The following NUCKS1 variants were observed in gnomAD, a reference collection of about 807,000 sequenced individuals.
NUCKS1 encodes the protein nuclear ubiquitous casein and cyclin-dependent kinase substrate 1.
NUCKS1 carries 2 observed loss-of-function variants against 33.0 expected under a neutral mutation model. The observed-to-expected ratio is 0.06, with a 90% CI of 0.02 to 0.19. The LOEUF (loss-of-function observed/expected upper bound fraction) is 0.19. Ranked by LOEUF, NUCKS1 falls within the 10% of genes least tolerant of loss-of-function variation. The probability of loss-of-function intolerance (pLI) is 1.00; values close to 1 mark genes in which losing one functional copy is unlikely to be tolerated. For missense variants in NUCKS1, 201 were observed against 293.6 expected (o/e 0.68, Z 2.31); for synonymous variants, 106 against 102.8 (o/e 1.03, Z -0.19).
At chr1:205,718,603 C>A in intron 6 of NUCKS1, 124 bp from the exon 7 acceptor site, 1 of 1,367,614 alleles carries the variant, frequency 7.3e-7, no homozygotes, top group South Asian at 1.4e-5. Flanking sequence ...TTACTAAAAA[C>A]CAAGGTGGGC....
rs375192079 is a variant in NUCKS1 at position 205,749,905 on chromosome 1, A to G, written c.17+52T>C. On this transcript the variant is annotated intron_variant, in intron 1 of 6. Coordinates refer to ENST00000367142, the MANE Select transcript of NUCKS1 (RefSeq NM_022731.5). ...CCTTCTGTCCCCCACTCTTTTCACCACTCGCCCCCATCCCCCTCCAACCCG... is the reference window on the plus strand; with the variant it reads ...CCTTCTGTCCCCCACTCTTTTCACCGCTCGCCCCCATCCCCCTCCAACCCG... 40 of 1,541,086 alleles carry G rather than the reference A, an allele frequency of 2.6e-5. No individual in the cohort carries two copies. In the African/African-American group the frequency reaches 5.3e-4, roughly 21 times the overall value.
intron 1 of NUCKS1, among the ~76,000 whole-genome samples, chr1:205,745,232 A>G (rs1347689518): frequency 6.6e-6 from 1 of 152,220 alleles, no homozygotes; most frequent in Non-Finnish European, 1.5e-5. Context: ...CATCACTGGT[A>G]AACTGAAGGA....
rs1464804835 is a variant in NUCKS1, at chr1:205,746,457, A to T, written c.17+3500T>A. On this transcript the variant is annotated intron_variant, in intron 1 of 6. Coordinates refer to ENST00000367142, the MANE Select transcript of NUCKS1 (RefSeq NM_022731.5). ...TCACTTCTCTCTCTCTCTCTCTCAC[A>T]CACACACACACACACACACACACAC... Among the ~76,000 whole-genome samples the T allele has an allele frequency of 8.6e-3, 782 of 90,612 alleles. 7 individuals are homozygous for T. Among genetic ancestry groups the T allele is most frequent in the African/African-American group, 0.026 (698 of 26,776 alleles). 59.4% of individuals were successfully genotyped at this position (90,612 alleles called of 152,430 possible). A position where few individuals can be genotyped will look rare whatever the true frequency, so the allele number is the denominator to read the frequency against.
rs191597017 is a variant in NUCKS1 at position 205,729,764 on chromosome 1, G to A, written c.18-143C>T. On this transcript the variant is annotated intron_variant, in intron 1 of 6. Transcript: ENST00000367142. The stretch of plus-strand genomic sequence containing the variant: ...TTGCTGGACGTGGTGGCTCACACCT[G>A]TAATCCCAGCACTTTGGGAGGCCAA... 484 of 692,898 alleles carry A rather than the reference G, an allele frequency of 7.0e-4. 1 individual carries two copies. The African/African-American group carries it at 8.3e-3, about 12-fold the overall frequency. 42.9% of individuals were successfully genotyped at this position (692,898 alleles called of 1,614,324 possible). A position where few individuals can be genotyped will look rare whatever the true frequency, so the allele number is the denominator to read the frequency against.
At chr1:205,733,941 C>T (rs1653976571) in intron 1 of NUCKS1, among the ~76,000 whole-genome samples, 1 of 152,140 alleles carries the variant, frequency 6.6e-6, no homozygotes, top group African/African-American at 2.4e-5. Flanking sequence ...CAGTGGCAGT[C>T]ATAGCTCACT....
chr1:205,748,562 G>GT (rs1299519872), intron 1 of NUCKS1, among the ~76,000 whole-genome samples: 21 of 152,328 alleles, frequency 1.4e-4, no homozygotes, highest in African/African-American at 4.6e-4. Context: ...AGTAGAGATC[G>GT]TGAGTTACCA....
intron 1 of NUCKS1, among the ~76,000 whole-genome samples, chr1:205,749,403 G>A (rs1654418730): frequency 6.6e-6 from 1 of 152,226 alleles, no homozygotes; most frequent in Admixed American, 6.5e-5. Flanking sequence ...GACCCCGAAG[G>A]ACAGAGGCGG....
At chr1:205,734,301 T>C (rs1653983211) in intron 1 of NUCKS1, among the ~76,000 whole-genome samples, 1 of 152,194 alleles carries the variant, frequency 6.6e-6, no homozygotes, top group Non-Finnish European at 1.5e-5. Flanking sequence ...ATTGGCATTA[T>C]ATAAACAATT....
At position 205,727,108 on chromosome 1, in the gene NUCKS1, C is replaced by A. The variant is rs191939554; in HGVS notation, c.173+592G>T. Among the ~76,000 whole-genome samples the A allele has an allele frequency of 3.9e-4, 60 of 152,184 alleles. 3 individuals carry two copies. In the East Asian group the frequency reaches 4.6e-3, roughly 12 times the overall value. ...ACTCCTGAGTAGCTGGGACTACAGG[C>A]AAGTGCCACCATTCCCGGCCAATTT... On this transcript the variant is annotated intron_variant, in intron 3 of 6. Coordinates refer to ENST00000367142, the MANE Select transcript of NUCKS1 (RefSeq NM_022731.5).
intron 3 of NUCKS1, 155 bp from the exon 4 acceptor site, chr1:205,724,136 T>C (rs1378018323): frequency 5.8e-6 from 4 of 693,748 alleles, no homozygotes; most frequent in Non-Finnish European, 8.0e-6. Context: ...TTTCCTTATT[T>C]ACAGGGATGC....
intron 5 of NUCKS1, 21 bp from the exon 6 acceptor site, chr1:205,719,697 C>G: frequency 1.2e-6 from 2 of 1,603,156 alleles, no homozygotes; most frequent in Non-Finnish European, 1.7e-6. Flanking sequence ...AGAAGAATTT[C>G]AACATCTAAC....
At chr1:205,734,250 C>G (rs982012726) in intron 1 of NUCKS1, among the ~76,000 whole-genome samples, 2 of 152,232 alleles carry the variant, frequency 1.3e-5, no homozygotes, top group South Asian at 4.1e-4. Context: ...TTCTATCCTA[C>G]TTTTCAACAA....
At chr1:205,727,076 G>A (rs1383432202) in intron 3 of NUCKS1, among the ~76,000 whole-genome samples, 4 of 151,994 alleles carry the variant, frequency 2.6e-5, no homozygotes, top group African/African-American at 7.3e-5. Context: ...GGATCCTCCT[G>A]CCTCGGACTC....
intron 4 of NUCKS1, among the ~76,000 whole-genome samples, chr1:205,722,033 AAAAAATTTACTT>A (rs145557339): frequency 0.32 from 49,151 of 151,886 alleles, 9,229 homozygotes; most frequent in Non-Finnish European, 0.42. Context: ...AGAAGCCTAT[AAAAAATTTACTT>A]TCACATATTC....
chr1:205,740,351 G>GCTCA (rs1338007676), intron 1 of NUCKS1, among the ~76,000 whole-genome samples: 1 of 151,946 alleles, frequency 6.6e-6, no homozygotes, highest in Non-Finnish European at 1.5e-5. Context: ...GGTTGTGGTA[G>GCTCA]CTCACGCCTG....
intron 1 of NUCKS1, among the ~76,000 whole-genome samples, chr1:205,747,440 C>T (rs1186493915): frequency 2.0e-5 from 3 of 152,204 alleles, no homozygotes; most frequent in South Asian, 2.1e-4. Context: ...TTAAACATAA[C>T]GTGCTAGACA....
chr1:205,732,330 A>G (rs1381022842), intron 1 of NUCKS1, among the ~76,000 whole-genome samples: 1 of 152,180 alleles, frequency 6.6e-6, no homozygotes, highest in Non-Finnish European at 1.5e-5. Context: ...CCTAGAGTAG[A>G]TGAATTCAGA....
chr1:205,719,520 A>G lies in NUCKS1; in HGVS notation c.532+7T>C, dbSNP rs1486249096. ...AGTAAATTTAATTTCACTTCTGCAGAAATTACCTGTAGCCTTTAGTCTGGG... is the reference window on the plus strand; with the variant it reads ...AGTAAATTTAATTTCACTTCTGCAGGAATTACCTGTAGCCTTTAGTCTGGG... On this transcript the variant is annotated splice_region_variant and intron_variant, in intron 6 of 6. Coordinates refer to ENST00000367142, the MANE Select transcript of NUCKS1 (RefSeq NM_022731.5). 6.3e-7 allele frequency: 1 copy of G among 1,582,250 alleles called. No homozygotes were observed. Among genetic ancestry groups the G allele is most frequent in the East Asian group, 2.2e-5 (1 of 44,712 alleles).
intron 1 of NUCKS1, among the ~76,000 whole-genome samples, chr1:205,741,676 G>C (rs952823952): frequency 3.0e-4 from 46 of 152,296 alleles, no homozygotes; most frequent in Non-Finnish European, 5.1e-4. Context: ...ACAGAATTTT[G>C]GAGAAGGGTA....
Sources: allele counts gnomAD v4.1 joint callset (sites outside exome capture counted in the v4.1 genomes callset), GRCh38; gene constraint gnomAD v4.1.1; transcripts MANE v1.5; gene names NCBI Gene and HGNC (gene_info 2026-07-23, HGNC 2026-07-21).